The following MDGA2 variants were observed in gnomAD, a reference collection of about 807,000 sequenced individuals.
MDGA2 encodes the protein MAM domain-containing glycosylphosphatidylinositol anchor protein 2.
In MDGA2, 40 loss-of-function variants were observed where a neutral mutation model predicts 117.8. The ratio of observed to expected loss-of-function variants is 0.34; its 90% CI spans 0.26 to 0.44. The LOEUF (loss-of-function observed/expected upper bound fraction) is 0.44. Among genes scored for constraint, MDGA2 ranks in the 20% least tolerant of loss-of-function variants. MDGA2 has a pLI of 1.00. For missense variants in MDGA2, 1,123 were observed against 1,250.6 expected, an observed-to-expected ratio of 0.90 and a Z score of 1.54; for synonymous variants, 452 against 439.0, an observed-to-expected ratio of 1.03 and a Z score of -0.37.
At chr14:47,020,232 T>TA (rs1210942724) in intron 8 of MDGA2, among the ~76,000 whole-genome samples, 2 of 152,144 alleles carry the variant, frequency 1.3e-5, no homozygotes, top group African/African-American at 4.8e-5. Flanking sequence ...CTAATTAAAA[T>TA]AAAAAATATG....
chr14:47,313,657 T>C (rs1242859884), intron 1 of MDGA2, among the ~76,000 whole-genome samples: 1 of 152,166 alleles, frequency 6.6e-6, no homozygotes, highest in African/African-American at 2.4e-5. Context: ...ATCTAAATTA[T>C]TTTAAAAGAA....
At chr14:47,316,855 T>A (rs1349549768) in intron 1 of MDGA2, among the ~76,000 whole-genome samples, 2 of 152,118 alleles carry the variant, frequency 1.3e-5, no homozygotes, top group Non-Finnish European at 2.9e-5. Flanking sequence ...AAAAGTGACA[T>A]AAACCAGAAA....
intron 2 of MDGA2, among the ~76,000 whole-genome samples, chr14:47,237,738 A>G (rs1886911620): frequency 1.3e-5 from 2 of 152,110 alleles, no homozygotes; most frequent in African/African-American, 4.8e-5. Context: ...CAGTCCCTCA[A>G]CAAAATTCTC....
chr14:47,287,273 T>C (rs1257797835), intron 2 of MDGA2, among the ~76,000 whole-genome samples: 1 of 152,100 alleles, frequency 6.6e-6, no homozygotes, highest in African/African-American at 2.4e-5. Flanking sequence ...ATAAGGTGTT[T>C]ACTTAGTTAG....
At position 47,348,167 on chromosome 14, in the gene MDGA2, A is replaced by ATGTGTG. The variant is rs56850503; in HGVS notation, c.281-46623_281-46618dup. The stretch of plus-strand genomic sequence containing the variant: ...TCTCTCTCTCTCTCTCTCTCTGTAT[A>ATGTGTG]TGTGTGTGTGTGTGTGTGTGTGTGT... On this transcript the variant is annotated intron_variant, in intron 1 of 16. Coordinates refer to ENST00000399232, the MANE Select transcript of MDGA2 (RefSeq NM_001113498.3). 1.0e-3 allele frequency among the ~76,000 whole-genome samples: 145 copies of ATGTGTG among 143,446 alleles called. 1 individual carries two copies. The highest frequency in any genetic ancestry group is 1.8e-3 in the South Asian group (8 of 4,454). 94.1% of individuals were successfully genotyped at this position (143,446 alleles called of 152,430 possible).
intron 1 of MDGA2, among the ~76,000 whole-genome samples, chr14:47,589,450 A>G (rs1347327521): frequency 1.3e-5 from 2 of 151,970 alleles, no homozygotes; most frequent in Non-Finnish European, 2.9e-5. Context: ...TGCTTTTCTC[A>G]TAGAATTGTC....
chr14:47,446,184 A>G (rs1483297558), intron 1 of MDGA2, among the ~76,000 whole-genome samples: 4 of 152,172 alleles, frequency 2.6e-5, no homozygotes, highest in Non-Finnish European at 5.9e-5. Flanking sequence ...TTACATGAAG[A>G]TGTGTATGAG....
intron 3 of MDGA2, among the ~76,000 whole-genome samples, chr14:47,170,290 G>C (rs1013364510): frequency 6.6e-6 from 1 of 152,134 alleles, no homozygotes; most frequent in Non-Finnish European, 1.5e-5. Flanking sequence ...ATAAGAAATT[G>C]TTTGAAATTT....
chr14:47,605,953 A>C (rs1896735616), intron 1 of MDGA2, among the ~76,000 whole-genome samples: 1 of 152,112 alleles, frequency 6.6e-6, no homozygotes. Context: ...TCATCATCCA[A>C]GTCTCTTCCT....
intron 2 of MDGA2, among the ~76,000 whole-genome samples, chr14:47,224,067 G>C (rs1425250487): frequency 1.3e-5 from 2 of 152,140 alleles, no homozygotes; most frequent in East Asian, 3.9e-4. Flanking sequence ...TGAGATTTGA[G>C]TGGGGACACA....
intron 3 of MDGA2, among the ~76,000 whole-genome samples, chr14:47,170,225 G>T (rs1470211783): frequency 6.6e-6 from 1 of 152,116 alleles, no homozygotes; most frequent in Non-Finnish European, 1.5e-5. Context: ...TGATTTAATT[G>T]CTCAACTCTC....
At chr14:46,914,424 G>A (rs1883824513) in intron 10 of MDGA2, among the ~76,000 whole-genome samples, 1 of 151,986 alleles carries the variant, frequency 6.6e-6, no homozygotes, top group Non-Finnish European at 1.5e-5. Context: ...GTTTCTTAAA[G>A]CAGTGATTCC....
chr14:47,560,862 T>G (rs1056440034), intron 1 of MDGA2, among the ~76,000 whole-genome samples: 2 of 152,194 alleles, frequency 1.3e-5, no homozygotes, highest in Non-Finnish European at 2.9e-5. Context: ...CTTGAATTGA[T>G]TTTTTATATA....
At chr14:47,277,847 C>G (rs987705486) in intron 2 of MDGA2, among the ~76,000 whole-genome samples, 2 of 152,090 alleles carry the variant, frequency 1.3e-5, no homozygotes, top group African/African-American at 4.8e-5. Flanking sequence ...TGCCCAACCC[C>G]GCCAGTTTCC....
At chr14:47,113,239 C>T (rs1315698017) in intron 5 of MDGA2, among the ~76,000 whole-genome samples, 5 of 152,088 alleles carry the variant, frequency 3.3e-5, no homozygotes, top group African/African-American at 1.2e-4. Flanking sequence ...TTCTTAGACA[C>T]ATGCACCCTC....
chr14:46,928,570 C>G (rs756907444), intron 9 of MDGA2, among the ~76,000 whole-genome samples: 20 of 152,046 alleles, frequency 1.3e-4, no homozygotes, highest in Non-Finnish European at 1.9e-4. Flanking sequence ...AATGAACTTT[C>G]CACATGATTT....
chr14:47,592,576 A>C (rs1471499151), intron 1 of MDGA2, among the ~76,000 whole-genome samples: 1 of 152,134 alleles, frequency 6.6e-6, no homozygotes, highest in East Asian at 1.9e-4. Flanking sequence ...CTCAGAAGTA[A>C]GACTATACAT....
chr14:47,037,264 T>A (rs1343905976), intron 7 of MDGA2, among the ~76,000 whole-genome samples: 1 of 152,210 alleles, frequency 6.6e-6, no homozygotes, highest in Admixed American at 6.5e-5. Flanking sequence ...ATTTTATGCT[T>A]TCATTTAAAC....
intron 8 of MDGA2, among the ~76,000 whole-genome samples, chr14:47,027,274 T>C (rs1288168225): frequency 6.6e-6 from 1 of 152,094 alleles, no homozygotes; most frequent in Non-Finnish European, 1.5e-5. Flanking sequence ...AATGATATAA[T>C]GATATTATCC....
Sources: gnomAD v4.1 joint callset for allele counts (sites outside exome capture counted in the v4.1 genomes callset) on GRCh38, gnomAD v4.1.1 for gene constraint, MANE v1.5 for transcripts, NCBI Gene and HGNC (gene_info 2026-07-23, HGNC 2026-07-21) for gene names.